Variants in SMIM36 observed in about 807,000 individuals in gnomAD.
The protein encoded by SMIM36 is small integral membrane protein 36.
chr17:55,486,861 T>A (rs1909616696), intron 1 of SMIM36, among the ~76,000 whole-genome samples: 1 of 152,210 alleles, frequency 6.6e-6, no homozygotes, highest in Non-Finnish European at 1.5e-5. Context: ...ATTCCCAGAA[T>A]TGTTTGCATT....
At chr17:55,515,739 C>T (rs1910265205), upstream of SMIM36, among the ~76,000 whole-genome samples, 2 of 152,214 alleles carry the variant, frequency 1.3e-5, no homozygotes. Context: ...CAGAAGTAAA[C>T]AACCCTGCTG....
At chr17:55,468,110 C>T (rs1013682524) in intron 3 of SMIM36, 4 of 152,348 alleles carry the variant, frequency 2.6e-5, no homozygotes, top group African/African-American at 9.6e-5. Flanking sequence ...ACTCAGTCCA[C>T]CTGCACCCAG....
upstream of SMIM36, among the ~76,000 whole-genome samples, chr17:55,514,606 G>A (rs184921753): frequency 5.7e-4 from 86 of 152,200 alleles, no homozygotes; most frequent in African/African-American, 1.9e-3. Flanking sequence ...GAATAAAACA[G>A]GTACATGCAT....
intron 1 of SMIM36, among the ~76,000 whole-genome samples, chr17:55,507,951 T>C (rs905457361): frequency 6.6e-6 from 1 of 152,094 alleles, no homozygotes; most frequent in Non-Finnish European, 1.5e-5. Context: ...CTGCTGGCAG[T>C]CCCTTTACAA....
At chr17:55,487,558 A>G (rs1047754285) in intron 1 of SMIM36, among the ~76,000 whole-genome samples, 4 of 152,204 alleles carry the variant, frequency 2.6e-5, no homozygotes, top group African/African-American at 9.7e-5. Context: ...TAAGAAACAG[A>G]ATACTCAAGA....
At chr17:55,467,533 A>G (rs1400726036) in intron 3 of SMIM36, among the ~76,000 whole-genome samples, 1 of 151,878 alleles carries the variant, frequency 6.6e-6, no homozygotes, top group Non-Finnish European at 1.5e-5. Flanking sequence ...AGTAGCTGGG[A>G]CTACAGGCGC....
chr17:55,513,933 G>A (rs78754763), upstream of SMIM36, among the ~76,000 whole-genome samples: 937 of 152,184 alleles, frequency 6.2e-3, 15 homozygotes, highest in African/African-American at 0.022. Context: ...GTGGTGTCCC[G>A]GAATGTTTTG....
rs144989199 is a variant in SMIM36 at position 55,469,560 on chromosome 17, G to T, written c.*348-2232C>A. Among the ~76,000 whole-genome samples the T allele has an allele frequency of 2.8e-3, 424 of 152,212 alleles. 2 individuals carry two copies. The highest frequency in any genetic ancestry group is 0.01 in the African/African-American group (417 of 41,518). ...TTCCAGCTTTTGAACCCCACAGCAGGACTTAATTAACCTTGCCTTTAAGGT... is the reference window on the plus strand; with the variant it reads ...TTCCAGCTTTTGAACCCCACAGCAGTACTTAATTAACCTTGCCTTTAAGGT... On this transcript the variant is annotated intron_variant, in intron 3 of 4. Coordinates refer to ENST00000636752, the Ensembl canonical transcript of SMIM36.
intron 1 of SMIM36, among the ~76,000 whole-genome samples, chr17:55,510,441 CA>C (rs1051744189): frequency 1.3e-5 from 2 of 151,506 alleles, no homozygotes; most frequent in African/African-American, 2.4e-5. Context: ...CCCATCTCTA[CA>C]AAAAAAAGAC....
chr17:55,466,025 C>G (rs1337690884), intron 4 of SMIM36, among the ~76,000 whole-genome samples: 1 of 152,056 alleles, frequency 6.6e-6, no homozygotes, highest in Non-Finnish European at 1.5e-5. Flanking sequence ...CGCTTGTAAT[C>G]TCAGCACTTT....
chr17:55,453,919 T>C (rs1908971094), intron 4 of SMIM36: 1 of 152,196 alleles, frequency 6.6e-6, no homozygotes, highest in Non-Finnish European at 1.5e-5. Context: ...CTCTAGGAAA[T>C]ATCTACCTGC....
At chr17:55,455,287 G>A (rs530915324) in intron 4 of SMIM36, among the ~76,000 whole-genome samples, 7 of 152,006 alleles carry the variant, frequency 4.6e-5, no homozygotes, top group Non-Finnish European at 8.8e-5. Context: ...TCTGGTCTCC[G>A]ATGCCTTTCG....
upstream of SMIM36, among the ~76,000 whole-genome samples, chr17:55,513,214 T>A (rs1022993233): frequency 6.6e-6 from 1 of 152,164 alleles, no homozygotes; most frequent in African/African-American, 2.4e-5. Flanking sequence ...TCATGGATAA[T>A]TTTGATCTGC....
intron 3 of SMIM36, chr17:55,468,082 TG>T (rs1373458183): frequency 6.6e-6 from 1 of 152,348 alleles, no homozygotes; most frequent in East Asian, 1.9e-4. Flanking sequence ...TATCTCCCTT[TG>T]CTGACTCCTT....
chr17:55,520,043 A>G, the SMIM36 span, among the ~76,000 whole-genome samples: 1 of 152,208 alleles, frequency 6.6e-6, no homozygotes, highest in African/African-American at 2.4e-5. Context: ...TACTCCCCTC[A>G]GGGGATCAAG....
At chr17:55,501,379 A>G (rs1421965076) in intron 1 of SMIM36, among the ~76,000 whole-genome samples, 13 of 74,684 alleles carry the variant, frequency 1.7e-4, no homozygotes, top group African/African-American at 7.6e-4. Context: ...ATTATATATT[A>G]TAGAATATAA....
At chr17:55,474,533 T>C (rs554575256) in intron 3 of SMIM36, among the ~76,000 whole-genome samples, 3,514 of 114,888 alleles carry the variant, frequency 0.031, 59 homozygotes, top group South Asian at 0.088. Flanking sequence ...CCTACTCCAT[T>C]TGAGTGGAAG....
chr17:55,520,029 G>A, the SMIM36 span, among the ~76,000 whole-genome samples: 1 of 152,172 alleles, frequency 6.6e-6, no homozygotes, highest in Non-Finnish European at 1.5e-5. Flanking sequence ...TGTTGGTGAG[G>A]CTGTACTCCC....
Position 55,454,352 on chromosome 17 carries a change from C to T in SMIM36, c.*532-4054G>A, listed in dbSNP as rs117037024. ...ATGTGCATTACAAAAGAGAAAGAAC[C>T]GCTGAGGTCAGCAATCATCCTGGCT... is the stretch of plus-strand genomic sequence containing the variant. On this transcript the variant is annotated intron_variant, in intron 4 of 4. Coordinates refer to ENST00000636752, the Ensembl canonical transcript of SMIM36. Among the ~76,000 whole-genome samples, 174 of 152,174 alleles carry T rather than the reference C, an allele frequency of 1.1e-3. 2 individuals carry two copies. In the East Asian group the frequency reaches 0.031, roughly 27 times the overall value.
Sources: gnomAD v4.1 joint callset for allele counts (sites outside exome capture counted in the v4.1 genomes callset) on GRCh38, gnomAD v4.1.1 for gene constraint, MANE v1.5 for transcripts, NCBI Gene and HGNC (gene_info 2026-07-23, HGNC 2026-07-21) for gene names.